Variants in PRH1 observed in about 807,000 individuals in gnomAD.
PRH1 encodes the protein proline rich protein HaeIII subfamily 1.
A neutral mutation model predicts 7.9 loss-of-function variants in PRH1; 7 were observed. That is an observed-to-expected ratio of 0.89 (90% CI 0.50 to 1.67). PRH1 has a LOEUF of 1.67. PRH1 is among the 40% of genes most tolerant of loss of function. The pLI is 0.00. For synonymous variants in PRH1, 45 were observed against 80.8 expected (o/e 0.56, Z 2.38); for missense variants, 109 against 223.6 (o/e 0.49, Z 3.27).
At chr12:10,902,775 C>A (rs1019610980) in intron 2 of PRH1, among the ~76,000 whole-genome samples, 1 of 152,036 alleles carries the variant, frequency 6.6e-6, no homozygotes, top group African/African-American at 2.4e-5. Context: ...ATCAAACTAA[C>A]CTTTATAACT....
chr12:11,022,211 G>C (rs1941685960), intron 1 of PRH1: 3 of 1,613,874 alleles, frequency 1.9e-6, no homozygotes, highest in Admixed American at 1.7e-5. Flanking sequence ...CTCTTCTTTA[G>C]GTGGAGAGAA....
intron 1 of PRH1, among the ~76,000 whole-genome samples, chr12:11,170,418 G>T (rs1306964285): frequency 6.6e-6 from 1 of 152,064 alleles, no homozygotes; most frequent in Non-Finnish European, 1.5e-5. Flanking sequence ...ATGGTGGCGG[G>T]CGCCTGTAGT....
At chr12:11,150,612 T>C (rs924807879) in intron 1 of PRH1, among the ~76,000 whole-genome samples, 4 of 152,004 alleles carry the variant, frequency 2.6e-5, no homozygotes, top group East Asian at 3.9e-4. Flanking sequence ...TAGGTGGGAA[T>C]TGAACAATGA....
intron 1 of PRH1, among the ~76,000 whole-genome samples, chr12:11,154,296 A>G (rs1051909656): frequency 6.6e-6 from 1 of 152,250 alleles, no homozygotes; most frequent in Non-Finnish European, 1.5e-5. Context: ...GAAAGTTTTC[A>G]TCTGCTCTGA....
rs202178459 is a variant in PRH1, at chr12:10,908,973, A to T, written c.-58-24698T>A. 130 of 1,613,630 alleles carry T rather than the reference A, an allele frequency of 8.1e-5. 2 individuals carry two copies. The highest frequency in any genetic ancestry group is 3.3e-4 in the South Asian group (30 of 91,080). On this transcript the variant is annotated intron_variant, in intron 2 of 3. Transcript: ENST00000539853. ...AGGGCTAGAGAAACTCGCTATTTTG[A>T]GCAAATAAAAGATGCTGAAGATTGT...
At chr12:11,076,432 T>TTTTTTA (rs1352474128) in intron 1 of PRH1, among the ~76,000 whole-genome samples, 1 of 127,544 alleles carries the variant, frequency 7.8e-6, no homozygotes. Context: ...GGACTTTTTT[T>TTTTTTA]AAGATAGAGA....
intron 1 of PRH1, among the ~76,000 whole-genome samples, chr12:11,147,252 A>G (rs34927715): frequency 0.45 from 69,136 of 151,952 alleles, 16,520 homozygotes; most frequent in Non-Finnish European, 0.52. Flanking sequence ...GTGCAGTGGC[A>G]CGATCTCGGC....
chr12:11,063,166 T>C (rs1451724606), intron 1 of PRH1, among the ~76,000 whole-genome samples: 1 of 152,138 alleles, frequency 6.6e-6, no homozygotes, highest in Non-Finnish European at 1.5e-5. Flanking sequence ...TTTATTACTA[T>C]ACAAAACATT....
intron 1 of PRH1, among the ~76,000 whole-genome samples, chr12:11,067,129 T>C (rs1406777605): frequency 6.6e-6 from 1 of 152,144 alleles, no homozygotes; most frequent in Non-Finnish European, 1.5e-5. Flanking sequence ...GAAAGTAGCA[T>C]TATATATGCA....
intron 1 of PRH1, among the ~76,000 whole-genome samples, chr12:11,055,487 A>C (rs2136164043): frequency 6.6e-6 from 1 of 152,396 alleles, no homozygotes; most frequent in Middle Eastern, 3.4e-3. Flanking sequence ...TCTCTGACTA[A>C]TGTCAAGCAG....
intron 2 of PRH1, among the ~76,000 whole-genome samples, chr12:10,941,738 C>A (rs1391620421): frequency 6.6e-6 from 1 of 151,758 alleles, no homozygotes; most frequent in Non-Finnish European, 1.5e-5. Context: ...GGGATTTCTT[C>A]TTGGTTTGGA....
At chr12:10,917,340 TA>T (rs5796419) in intron 2 of PRH1, among the ~76,000 whole-genome samples, 75,231 of 151,846 alleles carry the variant, frequency 0.5, 20,869 homozygotes, top group East Asian at 0.72. Context: ...ATTAAGGGAT[TA>T]AATATTTAAT....
chr12:10,929,116 C>T, intron 2 of PRH1: 2 of 813,462 alleles, frequency 2.5e-6, no homozygotes, highest in Non-Finnish European at 4.0e-6. Flanking sequence ...GAGGGATACA[C>T]TTGACCTGAA....
chr12:11,153,087 C>G (rs1333543912), intron 1 of PRH1, among the ~76,000 whole-genome samples: 1 of 152,158 alleles, frequency 6.6e-6, no homozygotes, highest in Non-Finnish European at 1.5e-5. Flanking sequence ...CATAGATGAT[C>G]ACTTACAAAA....
intron 1 of PRH1, among the ~76,000 whole-genome samples, chr12:11,016,120 C>T (rs1481262064): frequency 6.6e-6 from 1 of 152,220 alleles, no homozygotes; most frequent in Admixed American, 6.5e-5. Context: ...TGAAAGCATA[C>T]CCACTTGGCC....
At chr12:10,904,565 T>C (rs1329072036) in intron 2 of PRH1, among the ~76,000 whole-genome samples, 1 of 152,132 alleles carries the variant, frequency 6.6e-6, no homozygotes, top group Non-Finnish European at 1.5e-5. Flanking sequence ...GACTTTATAC[T>C]ACAATAATCC....
At chr12:11,088,979 G>C (rs1944795708) in intron 1 of PRH1, among the ~76,000 whole-genome samples, 1 of 115,540 alleles carries the variant, frequency 8.7e-6, no homozygotes, top group South Asian at 2.4e-4. Context: ...TCCAAGCATA[G>C]AGTCCCTCTA....
At chr12:11,142,559 T>G (rs1369871302) in intron 1 of PRH1, among the ~76,000 whole-genome samples, 4 of 152,086 alleles carry the variant, frequency 2.6e-5, no homozygotes, top group African/African-American at 9.7e-5. Context: ...GGTCAATTGC[T>G]TTCAAAAAAA....
At chr12:10,993,633 C>T (rs1177703501) in intron 1 of PRH1, among the ~76,000 whole-genome samples, 2 of 151,164 alleles carry the variant, frequency 1.3e-5, no homozygotes, top group African/African-American at 2.4e-5. Flanking sequence ...GTTGGGCCTA[C>T]TGGGATTTGG....
Sources: gnomAD v4.1 joint callset for allele counts (sites outside exome capture counted in the v4.1 genomes callset) on GRCh38, gnomAD v4.1.1 for gene constraint, MANE v1.5 for transcripts, NCBI Gene and HGNC (gene_info 2026-07-23, HGNC 2026-07-21) for gene names.